Variants in ACYP2 observed in about 807,000 individuals in gnomAD.
The protein encoded by ACYP2 is acylphosphatase 2, also known as acylphosphatase-2.
A neutral mutation model predicts 11.2 loss-of-function variants in ACYP2; 12 were observed. The observed-to-expected ratio is 1.08, with a 90% CI of 0.69 to 1.74. The LOEUF is 1.74. Among genes scored for constraint, ACYP2 ranks in the 40% most tolerant of loss-of-function variants. The pLI is 0.00. For synonymous variants in ACYP2, 43 were observed against 32.2 expected (o/e 1.33, Z -1.13); for missense variants, 134 against 101.9 (o/e 1.31, Z -1.35).
Position 54,126,789 on chromosome 2 carries a change from A to C in ACYP2, c.278-8664A>C, listed in dbSNP as rs1680535793. Among the ~76,000 whole-genome samples the C allele has an allele frequency of 2.0e-5, 3 of 152,064 alleles. No individual in the cohort carries two copies. In the South Asian group the frequency reaches 6.3e-4, roughly 32 times the overall value. On this transcript the variant is annotated intron_variant, in intron 4 of 6. Coordinates refer to ENST00000607452, the MANE Select transcript of ACYP2 (RefSeq NM_001320586.2). ...ATGGTAAAACCCTGTCTCTACTAAA[A>C]AATGCAAAAAATTAGCCAGGTGTGG...
rs566398865 is a variant in ACYP2, at chr2:54,135,587, G to A, written c.294+118G>A. 4.8e-5 allele frequency: 34 copies of A among 711,960 alleles called. No homozygotes were observed. The South Asian group carries it at 5.9e-4, about 12-fold the overall frequency. The allele number at this position is 711,960 out of a possible 1,614,324, so 44.1% of individuals were successfully genotyped here. On this transcript the variant is annotated intron_variant, in intron 5 of 6. Transcript: ENST00000607452. ...TACTGTTTACTCCCTGTCCTTGACA[G>A]CAAATGAAGAAATATATGTATTTCT...
At chr2:54,200,571 TCATGTAGTAG>T (rs1223748736) in intron 6 of ACYP2, among the ~76,000 whole-genome samples, 9 of 152,184 alleles carry the variant, frequency 5.9e-5, no homozygotes, top group Non-Finnish European at 1.3e-4. Flanking sequence ...CAAGGTTTAT[TCATGTAGTAG>T]CATGTATCAG....
intron 6 of ACYP2, among the ~76,000 whole-genome samples, chr2:54,203,774 T>A (rs60599526): frequency 0.045 from 6,888 of 151,718 alleles, 503 homozygotes; most frequent in African/African-American, 0.16. Flanking sequence ...TTATCATATG[T>A]CAAAACTGGA....
intron 2 of ACYP2, among the ~76,000 whole-genome samples, chr2:54,004,546 G>A (rs1322955051): frequency 6.6e-6 from 1 of 151,162 alleles, no homozygotes; most frequent in Non-Finnish European, 1.5e-5. Flanking sequence ...AAGTAGCTGA[G>A]ACTACAGGCG....
chr2:54,286,513 C>A (rs1359672640), intron 6 of ACYP2, among the ~76,000 whole-genome samples: 1 of 151,980 alleles, frequency 6.6e-6, no homozygotes, highest in Non-Finnish European at 1.5e-5. Context: ...TGAATCTAAC[C>A]CTAACTAATA....
chr2:54,026,229 A>T (rs903236354), intron 2 of ACYP2, among the ~76,000 whole-genome samples: 1 of 152,318 alleles, frequency 6.6e-6, no homozygotes, highest in East Asian at 1.9e-4. Context: ...ATTAGCAAGA[A>T]AAAAACAATC....
intron 6 of ACYP2, among the ~76,000 whole-genome samples, chr2:54,196,374 T>C (rs374254007): frequency 1.7e-4 from 26 of 152,166 alleles, no homozygotes; most frequent in African/African-American, 5.8e-4. Flanking sequence ...TATTTTAAGA[T>C]TTGTCCTTTA....
intron 6 of ACYP2, chr2:54,255,408 G>C (rs1364703232): frequency 6.2e-7 from 1 of 1,613,876 alleles, no homozygotes; most frequent in African/African-American, 1.3e-5. Flanking sequence ...AGAAGCCCGG[G>C]ATATTGCGAA....
At chr2:54,232,152 C>CA (rs1258441927) in intron 6 of ACYP2, among the ~76,000 whole-genome samples, 1 of 152,220 alleles carries the variant, frequency 6.6e-6, no homozygotes, top group East Asian at 1.9e-4. Flanking sequence ...TTCATATACA[C>CA]AACTGGATAA....
At chr2:54,059,449 T>C (rs553452615) in intron 4 of ACYP2, among the ~76,000 whole-genome samples, 1 of 152,194 alleles carries the variant, frequency 6.6e-6, no homozygotes, top group Non-Finnish European at 1.5e-5. Flanking sequence ...TGACCTCAGG[T>C]GATCCACCCT....
At chr2:54,084,098 A>G (rs1278496520) in intron 4 of ACYP2, among the ~76,000 whole-genome samples, 8 of 152,294 alleles carry the variant, frequency 5.3e-5, no homozygotes, top group African/African-American at 1.9e-4. Flanking sequence ...CGTTTCTTCC[A>G]TCTCTAAAGG....
Position 54,247,079 on chromosome 2 carries a change from T to C in ACYP2, c.405-57609T>C, listed in dbSNP as rs189773915. 2.1e-3 allele frequency among the ~76,000 whole-genome samples: 320 copies of C among 152,314 alleles called. 2 individuals carry two copies. The highest frequency in any genetic ancestry group is 7.4e-3 in the African/African-American group (306 of 41,570). On this transcript the variant is annotated intron_variant, in intron 6 of 6. Transcript: ENST00000607452. ...GTCCTAAAATTAGATTAGAAGACAATTTGGAACACTGTCTCTTAGGTCTTA... is the reference window on the plus strand; with the variant it reads ...GTCCTAAAATTAGATTAGAAGACAACTTGGAACACTGTCTCTTAGGTCTTA...
At chr2:54,163,670 TGTG>T (rs1682827505) in intron 6 of ACYP2, among the ~76,000 whole-genome samples, 1 of 151,854 alleles carries the variant, frequency 6.6e-6, no homozygotes, top group Non-Finnish European at 1.5e-5. Context: ...GCCTGGCCAA[TGTG>T]GTGAAACCCC....
chr2:54,057,106 G>C (rs1284900005), intron 3 of ACYP2: 1 of 389,270 alleles, frequency 2.6e-6, no homozygotes, highest in Non-Finnish European at 4.5e-6. Context: ...ATAGGGAAGG[G>C]ATATGAATTT....
At chr2:54,135,953 A>G (rs1681204370) in intron 5 of ACYP2, among the ~76,000 whole-genome samples, 1 of 152,236 alleles carries the variant, frequency 6.6e-6, no homozygotes. Flanking sequence ...TCTGGAGTAC[A>G]GTGGTGCGAT....
chr2:54,256,024 C>G (rs537805712), intron 6 of ACYP2: 1 of 1,614,036 alleles, frequency 6.2e-7, no homozygotes, highest in African/African-American at 1.3e-5. Context: ...TGGCTCCAAG[C>G]GGCCATCAAA....
intron 4 of ACYP2, chr2:54,123,404 A>G: frequency 5.0e-6 from 2 of 398,572 alleles, no homozygotes; most frequent in Non-Finnish European, 8.8e-6. Context: ...TTGTTCTACA[A>G]ATAGAGGTAG....
chr2:54,154,146 G>C (rs549027021), intron 6 of ACYP2, among the ~76,000 whole-genome samples: 1 of 151,646 alleles, frequency 6.6e-6, no homozygotes, highest in African/African-American at 2.4e-5. Context: ...TGATTTTTGC[G>C]TGTTGACTTT....
intron 2 of ACYP2, among the ~76,000 whole-genome samples, chr2:54,005,498 C>G (rs1298251996): frequency 6.6e-6 from 1 of 152,136 alleles, no homozygotes; most frequent in Non-Finnish European, 1.5e-5. Flanking sequence ...TGCCACCAAA[C>G]CTGGCTAATT....
Sources: gnomAD v4.1 joint callset for allele counts (sites outside exome capture counted in the v4.1 genomes callset) on GRCh38, gnomAD v4.1.1 for gene constraint, MANE v1.5 for transcripts, NCBI Gene and HGNC (gene_info 2026-07-23, HGNC 2026-07-21) for gene names.